DRD2: variants seen among roughly 807,000 people sequenced by gnomAD.
DRD2 encodes the protein dopamine receptor D2.
In DRD2, 8 loss-of-function variants were observed where a neutral mutation model predicts 38.0. That is an observed-to-expected ratio of 0.21 (90% CI 0.12 to 0.38). The LOEUF is 0.38. Among genes scored for constraint, DRD2 ranks in the 10% least tolerant of loss-of-function variants. The probability of loss-of-function intolerance (pLI) is 1.00; values close to 1 mark genes in which losing one functional copy is unlikely to be tolerated. For missense variants in DRD2, 403 were observed against 607.7 expected (o/e 0.66, Z 3.54); for synonymous variants, 230 against 238.6 (o/e 0.96, Z 0.33).
In DRD2 at chr11:113,418,042, G is replaced by A. The variant is rs1181211984; in HGVS notation, c.380C>T (p.Ala127Val). The A allele has an allele frequency of 6.2e-7, 1 of 1,614,114 alleles. No individual in the cohort carries two copies. Among genetic ancestry groups the A allele is most frequent in the Non-Finnish European group, 8.5e-7 (1 of 1,180,012 alleles). The change falls in exon 3 of 8, where the codon GCC becomes GTC. Residue 127 changes from alanine (A) to valine (V), a missense_variant. Transcript: ENST00000362072. ...CTGGGCTCACCTGTCGATGCTGATG[G>A]CACACAAGTTCAGGATGCTCGCCGT... ...MCTASILNLC[A>V]ISIDRYTAVA...
chr11:113,422,775 G>A (rs1229861008), intron 2 of DRD2, among the ~76,000 whole-genome samples: 4 of 152,114 alleles, frequency 2.6e-5, no homozygotes, highest in Admixed American at 1.3e-4. Flanking sequence ...CCCCTTGGGG[G>A]CCCAGGGACA....
intron 1 of DRD2, among the ~76,000 whole-genome samples, chr11:113,425,780 C>T (rs1247761956): frequency 6.6e-6 from 1 of 151,942 alleles, no homozygotes; most frequent in Non-Finnish European, 1.5e-5. Flanking sequence ...AGAAGGAGGA[C>T]TTAGCCTGCT....
rs529062399 is a variant in DRD2, at chr11:113,447,975, A to G, written c.-31-23293T>C. On this transcript the variant is annotated intron_variant, in intron 1 of 7. Transcript: ENST00000362072. ...CTCCCTGCTTGTCAGTCTGGGGACA[A>G]CTGTCTATTGTGGTTAAAGCAGGTG... Among the ~76,000 whole-genome samples, 23 of 152,228 alleles carry G rather than the reference A, an allele frequency of 1.5e-4. No individual in the cohort carries two copies. The South Asian group carries it at 4.8e-3, about 32-fold the overall frequency.
chr11:113,431,149 G>C (rs1388827237), intron 1 of DRD2, among the ~76,000 whole-genome samples: 1 of 152,144 alleles, frequency 6.6e-6, no homozygotes, highest in South Asian at 2.1e-4. Context: ...CAAGAACTTA[G>C]TGAGCACCAA....
intron 1 of DRD2, among the ~76,000 whole-genome samples, chr11:113,432,133 T>A (rs370611317): frequency 1.3e-3 from 205 of 152,306 alleles, no homozygotes; most frequent in African/African-American, 4.9e-3. Context: ...AAACCTGACA[T>A]TTTCTCTCAG....
Position 113,424,523 on chromosome 11 carries a change from C to A in DRD2, c.129G>T (p.Leu43=). The A allele has an allele frequency of 6.2e-7, 1 of 1,614,242 alleles. No homozygotes were observed. Among genetic ancestry groups the A allele is most frequent in the Non-Finnish European group, 8.5e-7 (1 of 1,180,050 alleles). ...TGCCGAAGACGATGACAGCGATGAG[C>A]AGGGTGAGCAGTGTGGCATAGTAGT... ...HYNYYATLLT[L]LIAVIVFGNV... The change falls in exon 2 of 8, where the codon CTG becomes CTT. Residue 43 remains leucine (L), a synonymous_variant. Transcript: ENST00000362072.
intron 1 of DRD2, among the ~76,000 whole-genome samples, chr11:113,474,734 C>T (rs1431050530): frequency 6.6e-6 from 1 of 152,060 alleles, no homozygotes; most frequent in Non-Finnish European, 1.5e-5. Context: ...GAGCGGCCTC[C>T]CTCCCGCCCT....
Position 113,410,677 on chromosome 11 carries a change from G to C in DRD2, c.*50C>G, listed in dbSNP as rs767149572. 1 of 1,611,634 alleles carries C rather than the reference G, an allele frequency of 6.2e-7. No individual in the cohort carries two copies. On this transcript the variant is annotated 3_prime_UTR_variant, in exon 8 of 8. Transcript: ENST00000362072. ...CGGTTCGCAAGGGTGAGGCTGGCCG[G>C]CCTGGGCAGGGAGGTGGGAAGCAGG...
At chr11:113,471,911 T>C (rs1951430724) in intron 1 of DRD2, among the ~76,000 whole-genome samples, 1 of 152,118 alleles carries the variant, frequency 6.6e-6, no homozygotes, top group Non-Finnish European at 1.5e-5. Flanking sequence ...AGACCTCAAC[T>C]CTTAGGTAAC....
Position 113,466,669 on chromosome 11 carries a change from T to C in DRD2, c.-32+8407A>G, listed in dbSNP as rs145209235. On this transcript the variant is annotated intron_variant, in intron 1 of 7. Coordinates refer to ENST00000362072, the MANE Select transcript of DRD2 (RefSeq NM_000795.4). ...TCAGACACTGCCACTCTTGTTAAGCTGCAAGTAAAGTAGAGGGAGAGTGTC... is the reference window on the plus strand; with the variant it reads ...TCAGACACTGCCACTCTTGTTAAGCCGCAAGTAAAGTAGAGGGAGAGTGTC... Among the ~76,000 whole-genome samples, 16 of 152,322 alleles carry C rather than the reference T, an allele frequency of 1.1e-4. No individual in the cohort carries two copies. The East Asian group carries it at 1.2e-3, about 11-fold the overall frequency.
At position 113,410,288 on chromosome 11, in the gene DRD2, G is replaced by A; in HGVS notation, c.*439C>T. On this transcript the variant is annotated 3_prime_UTR_variant, in exon 8 of 8. Transcript: ENST00000362072. ...CAAGAGAGCTTGCTTGCCTCCTGTG[G>A]GCCTTGCAGGGTGTGAACTGTCCAT... 1 of 278,998 alleles carries A rather than the reference G, an allele frequency of 3.6e-6. No homozygotes were observed. The allele number at this position is 278,998 out of a possible 1,614,324, so 17.3% of individuals were successfully genotyped here.
At position 113,410,688 on chromosome 11, in the gene DRD2, G is replaced by C; in HGVS notation, c.*39C>G. ...GGTGAGGCTGGCCGGCCTGGGCAGG[G>C]AGGTGGGAAGCAGGCTGCTGTGCGG... On this transcript the variant is annotated 3_prime_UTR_variant, in exon 8 of 8. Coordinates refer to ENST00000362072, the MANE Select transcript of DRD2 (RefSeq NM_000795.4). The C allele has an allele frequency of 6.2e-7, 1 of 1,613,316 alleles. No individual in the cohort carries two copies. The highest frequency in any genetic ancestry group is 8.5e-7 in the Non-Finnish European group (1 of 1,179,666).
chr11:113,465,225 C>G (rs1951356760), intron 1 of DRD2, among the ~76,000 whole-genome samples: 1 of 152,070 alleles, frequency 6.6e-6, no homozygotes, highest in Non-Finnish European at 1.5e-5. Context: ...CTCAGCCACC[C>G]CAGTAGCTGG....
chr11:113,454,082 T>C (rs1015776686), intron 1 of DRD2, among the ~76,000 whole-genome samples: 1 of 152,188 alleles, frequency 6.6e-6, no homozygotes, highest in Non-Finnish European at 1.5e-5. Flanking sequence ...TCACTCTACA[T>C]TTAAAGAAGG....
intron 1 of DRD2, among the ~76,000 whole-genome samples, chr11:113,472,789 G>A (rs1951442628): frequency 6.6e-6 from 1 of 152,210 alleles, no homozygotes. Context: ...AGAGGGGAGG[G>A]CAGGAGGGAA....
intron 2 of DRD2, among the ~76,000 whole-genome samples, chr11:113,419,090 A>G (rs1254061815): frequency 6.6e-6 from 1 of 152,232 alleles, no homozygotes; most frequent in Non-Finnish European, 1.5e-5. Flanking sequence ...CAAAAAGTGC[A>G]GTGATTTCCC....
rs1950924084 is a variant in DRD2 at position 113,424,790 on chromosome 11, G to A, written c.-31-108C>T. The stretch of plus-strand genomic sequence containing the variant: ...TAATAATGAGAATTTTCCAACTCGG[G>A]ATTTTAAGGTTTACGGCTAAGAATT... On this transcript the variant is annotated intron_variant, in intron 1 of 7. Transcript: ENST00000362072. 6 of 1,149,854 alleles carry A rather than the reference G, an allele frequency of 5.2e-6. No individual in the cohort carries two copies. The East Asian group carries it at 1.2e-4, about 24-fold the overall frequency. 71.2% of individuals were successfully genotyped at this position (1,149,854 alleles called of 1,614,324 possible). A position where few individuals can be genotyped will look rare whatever the true frequency, so the allele number is the denominator to read the frequency against.
chr11:113,419,042 C>G lies in DRD2; in HGVS notation c.286-906G>C, dbSNP rs376842868. On this transcript the variant is annotated intron_variant, in intron 2 of 7. Transcript: ENST00000362072. ...ATTCCAGGTAAAATTTTAGAATGCC[C>G]GTGAGGAAACTGAGAACCAATGAGG... Among the ~76,000 whole-genome samples the G allele has an allele frequency of 3.3e-5, 5 of 152,292 alleles. No homozygotes were observed. In the South Asian group the frequency reaches 1.0e-3, roughly 32 times the overall value.
At chr11:113,416,735 A>G in intron 4 of DRD2, 128 bp downstream of exon 4, 1 of 1,386,828 alleles carries the variant, frequency 7.2e-7, no homozygotes, top group East Asian at 2.5e-5. Flanking sequence ...GACTCAGTCC[A>G]GGGTAGTGAT....
Sources: gnomAD v4.1 joint callset for allele counts (sites outside exome capture counted in the v4.1 genomes callset) on GRCh38, gnomAD v4.1.1 for gene constraint, MANE v1.5 for transcripts, NCBI Gene and HGNC (gene_info 2026-07-23, HGNC 2026-07-21) for gene names.